COG7: variants seen among roughly 807,000 people sequenced by gnomAD.
COG7 encodes the protein component of oligomeric golgi complex 7, also known as conserved oligomeric Golgi complex subunit 7.
In COG7, 49 loss-of-function variants were observed where a neutral mutation model predicts 91.5. The ratio of observed to expected loss-of-function variants is 0.54; its 90% CI spans 0.43 to 0.68. COG7 has a LOEUF of 0.68. Ranked by LOEUF, COG7 falls within the 30% of genes least tolerant of loss-of-function variation. The probability of loss-of-function intolerance (pLI) is 0.00; values close to 1 mark genes in which losing one functional copy is unlikely to be tolerated. For synonymous variants in COG7, 365 were observed against 388.7 expected (o/e 0.94, Z 0.72); for missense variants, 895 against 961.3 (o/e 0.93, Z 0.91).
chr16:23,427,175 C>T (rs758549392), intron 6 of COG7, among the ~76,000 whole-genome samples: 1 of 151,986 alleles, frequency 6.6e-6, no homozygotes, highest in African/African-American at 2.4e-5. Flanking sequence ...TACCTGAGCC[C>T]AGGAAGTGGA....
intron 14 of COG7, among the ~76,000 whole-genome samples, chr16:23,397,467 G>A (rs1423143429): frequency 6.6e-6 from 1 of 152,196 alleles, no homozygotes; most frequent in Non-Finnish European, 1.5e-5. Flanking sequence ...AGGTGTCTGG[G>A]TGACTGTCAA....
chr16:23,446,518 C>G (rs1002470084), intron 1 of COG7: 3 of 146,328 alleles, frequency 2.1e-5, no homozygotes, highest in African/African-American at 7.9e-5. Flanking sequence ...GTGGCGCAAT[C>G]TCGGCTCACT....
intron 11 of COG7, among the ~76,000 whole-genome samples, chr16:23,409,088 TGC>T (rs1555493328): frequency 1.4e-5 from 2 of 147,806 alleles, no homozygotes; most frequent in African/African-American, 2.5e-5. Context: ...TGTGTGTGTG[TGC>T]GTGCATGTGT....
chr16:23,419,496 C>T (rs1963715944), intron 7 of COG7, among the ~76,000 whole-genome samples: 2 of 151,514 alleles, frequency 1.3e-5, no homozygotes, highest in African/African-American at 4.8e-5. Context: ...CACTTGTAAT[C>T]CCAGCACTTT....
chr16:23,432,360 C>T (rs935451332), intron 6 of COG7, among the ~76,000 whole-genome samples: 4 of 152,092 alleles, frequency 2.6e-5, no homozygotes, highest in Admixed American at 6.6e-5. Context: ...ATATGGGGAA[C>T]GTGACACTAA....
At chr16:23,426,838 GAA>G (rs1963856178) in intron 6 of COG7, among the ~76,000 whole-genome samples, 1 of 133,196 alleles carries the variant, frequency 7.5e-6, no homozygotes, top group Admixed American at 7.4e-5. Context: ...AAAAAAAAAA[GAA>G]AGAAAGAAAG....
At chr16:23,401,612 T>G (rs1229293952) in intron 13 of COG7, among the ~76,000 whole-genome samples, 1 of 152,280 alleles carries the variant, frequency 6.6e-6, no homozygotes. Context: ...ATCCTTTCGT[T>G]TTTCAATGGA....
chr16:23,449,977 C>T (rs1013184999), intron 1 of COG7, among the ~76,000 whole-genome samples: 1 of 152,010 alleles, frequency 6.6e-6, no homozygotes, highest in Non-Finnish European at 1.5e-5. Flanking sequence ...CTCTGTCACC[C>T]AGGCTGGAGT....
intron 11 of COG7, among the ~76,000 whole-genome samples, chr16:23,407,873 C>T (rs553870167): frequency 1.1e-4 from 16 of 151,782 alleles, no homozygotes; most frequent in African/African-American, 3.9e-4. Flanking sequence ...TAACTTGTCA[C>T]AGTTGAGGGA....
chr16:23,450,313 A>T (rs570329929), intron 1 of COG7, among the ~76,000 whole-genome samples: 6 of 152,128 alleles, frequency 3.9e-5, no homozygotes, highest in Non-Finnish European at 7.3e-5. Flanking sequence ...ACACAGGGCA[A>T]GTGCTTTATG....
At chr16:23,398,811 G>A (rs1260514687) in intron 13 of COG7, among the ~76,000 whole-genome samples, 1 of 152,162 alleles carries the variant, frequency 6.6e-6, no homozygotes, top group Non-Finnish European at 1.5e-5. Flanking sequence ...TAGTCCCCCT[G>A]TGCGAGGAGA....
intron 4 of COG7, among the ~76,000 whole-genome samples, chr16:23,440,215 C>T (rs531162485): frequency 6.6e-6 from 1 of 151,978 alleles, no homozygotes; most frequent in South Asian, 2.1e-4. Flanking sequence ...ATGGCAAAAC[C>T]CCATCTCCAC....
At chr16:23,430,867 A>G (rs1963923544) in intron 6 of COG7, among the ~76,000 whole-genome samples, 1 of 151,870 alleles carries the variant, frequency 6.6e-6, no homozygotes, top group Non-Finnish European at 1.5e-5. Flanking sequence ...AATGAGTAAA[A>G]CAAATAAGAT....
intron 5 of COG7, 115 bp downstream of exon 5, chr16:23,434,521 C>G: frequency 1.2e-6 from 1 of 815,174 alleles, no homozygotes; most frequent in Non-Finnish European, 2.1e-6. Flanking sequence ...AGAAAAACAG[C>G]CAGAGGGCAA....
rs556482340 is a variant in COG7 at position 23,392,668 on chromosome 16, G to A, written c.2003-145C>T. ...CTTAGGGCCAGGTGCAGTGGCTCAT[G>A]CCTGTAATCCCAGCACTTTAGGAGG... On this transcript the variant is annotated intron_variant, in intron 15 of 16. Transcript: ENST00000307149. The A allele has an allele frequency of 4.0e-5, 37 of 926,560 alleles. No homozygotes were observed. The Admixed American group carries it at 6.6e-4, about 17-fold the overall frequency. 57.4% of individuals were successfully genotyped at this position (926,560 alleles called of 1,614,324 possible). A position where few individuals can be genotyped will look rare whatever the true frequency, so the allele number is the denominator to read the frequency against.
chr16:23,403,628 A>G, intron 13 of COG7, 66 bp downstream of exon 13: 1 of 1,580,224 alleles, frequency 6.3e-7, no homozygotes, highest in Non-Finnish European at 8.7e-7. Context: ...GGTTAAGCCC[A>G]CACTCAGTAT....
intron 7 of COG7, among the ~76,000 whole-genome samples, chr16:23,423,120 C>T (rs1963786675): frequency 6.6e-6 from 1 of 151,544 alleles, no homozygotes. Flanking sequence ...AATCCCAGCA[C>T]TTCAGGAGGC....
chr16:23,421,723 G>C (rs1963758791), intron 7 of COG7, among the ~76,000 whole-genome samples: 1 of 151,484 alleles, frequency 6.6e-6, no homozygotes, highest in African/African-American at 2.4e-5. Flanking sequence ...ACAAAAACAG[G>C]TCTAAAGAAC....
intron 1 of COG7, among the ~76,000 whole-genome samples, chr16:23,448,257 C>G (rs146807892): frequency 6.6e-6 from 1 of 152,212 alleles, no homozygotes; most frequent in Non-Finnish European, 1.5e-5. Flanking sequence ...AGGCTGATCC[C>G]GATCTATTTA....
Sources: gnomAD v4.1 joint callset for allele counts (sites outside exome capture counted in the v4.1 genomes callset) on GRCh38, gnomAD v4.1.1 for gene constraint, MANE v1.5 for transcripts, NCBI Gene and HGNC (gene_info 2026-07-23, HGNC 2026-07-21) for gene names.